The following TTLL11 variants were observed in gnomAD, a reference collection of about 807,000 sequenced individuals.
TTLL11 encodes the protein tubulin polyglutamylase TTLL11.
A neutral mutation model predicts 51.7 loss-of-function variants in TTLL11; 42 were observed. That is an observed-to-expected ratio of 0.81 (90% CI 0.64 to 1.05). The LOEUF is 1.05. Ranked by LOEUF, TTLL11 falls within the 50% of genes least tolerant of loss-of-function variation. The probability of loss-of-function intolerance (pLI) is 0.00; values close to 1 mark genes in which losing one functional copy is unlikely to be tolerated. For missense variants in TTLL11, 799 were observed against 940.4 expected, an observed-to-expected ratio of 0.85 and a Z score of 1.97; for synonymous variants, 381 against 383.5, an observed-to-expected ratio of 0.99 and a Z score of 0.08.
At chr9:121,945,596 T>C (rs1380389735) in intron 6 of TTLL11, among the ~76,000 whole-genome samples, 1 of 152,168 alleles carries the variant, frequency 6.6e-6, no homozygotes, top group Non-Finnish European at 1.5e-5. Context: ...ATAGTCCAAA[T>C]CCCTGCCAAT....
intron 2 of TTLL11, among the ~76,000 whole-genome samples, chr9:122,033,854 T>C (rs981892717): frequency 2.0e-5 from 3 of 152,202 alleles, no homozygotes; most frequent in Admixed American, 1.3e-4. Flanking sequence ...GACTGTTCAA[T>C]AGTCAAGAAA....
chr9:122,087,397 C>G (rs372881572), intron 1 of TTLL11, among the ~76,000 whole-genome samples: 2 of 152,118 alleles, frequency 1.3e-5, no homozygotes, highest in Non-Finnish European at 2.9e-5. Flanking sequence ...ATTTAATAAA[C>G]AGTAACTAAT....
intron 1 of TTLL11, among the ~76,000 whole-genome samples, chr9:122,068,688 C>A (rs1845655729): frequency 6.6e-6 from 1 of 152,188 alleles, no homozygotes; most frequent in Non-Finnish European, 1.5e-5. Context: ...AAATCCTGCG[C>A]TTTTTCTACA....
intron 1 of TTLL11, among the ~76,000 whole-genome samples, chr9:122,064,341 A>C (rs1425287412): frequency 6.6e-6 from 1 of 152,234 alleles, no homozygotes; most frequent in Non-Finnish European, 1.5e-5. Context: ...TAAAATGTTA[A>C]GAATACTGGA....
intron 3 of TTLL11, among the ~76,000 whole-genome samples, chr9:122,011,761 T>C (rs1160848122): frequency 6.6e-6 from 1 of 152,208 alleles, no homozygotes; most frequent in Non-Finnish European, 1.5e-5. Flanking sequence ...TCTTACAATT[T>C]ATCAGTAAGT....
chr9:121,820,310 G>C lies in TTLL11; in HGVS notation c.*2277C>G, dbSNP rs1174915243. Among the ~76,000 whole-genome samples, 1 of 152,224 alleles carries C rather than the reference G, an allele frequency of 6.6e-6. No homozygotes were observed. The highest frequency in any genetic ancestry group is 1.5e-5 in the Non-Finnish European group (1 of 68,036). On this transcript the variant is annotated 3_prime_UTR_variant, in exon 9 of 9. Coordinates refer to ENST00000321582, the MANE Select transcript of TTLL11 (RefSeq NM_001139442.2). ...TTCTGAAGACCAACTTCAAGAAATG[G>C]TGTCACGTGAGAGCTTTGTTAAGAC...
chr9:121,930,467 C>T (rs1028448249), intron 6 of TTLL11, among the ~76,000 whole-genome samples: 2 of 152,194 alleles, frequency 1.3e-5, no homozygotes, highest in Non-Finnish European at 2.9e-5. Flanking sequence ...GAAACCGTGA[C>T]CCACATCTTA....
intron 3 of TTLL11, among the ~76,000 whole-genome samples, chr9:122,030,214 G>T (rs1052619310): frequency 2.8e-4 from 35 of 126,370 alleles, no homozygotes; most frequent in African/African-American, 9.2e-4. Flanking sequence ...GGGGGGGGGG[G>T]GTAATTATGA....
rs1846292824 is a variant in TTLL11, at chr9:122,092,616, C to A, written c.462+71G>T. 8 of 1,527,770 alleles carry A rather than the reference C, an allele frequency of 5.2e-6. No homozygotes were observed. In the South Asian group the frequency reaches 8.5e-5, roughly 16 times the overall value. The allele number at this position is 1,527,770 out of a possible 1,614,324, so 94.6% of individuals were successfully genotyped here. On this transcript the variant is annotated intron_variant, in intron 1 of 8. Coordinates refer to ENST00000321582, the MANE Select transcript of TTLL11 (RefSeq NM_001139442.2). ...CCTCGCCCGCCGACCTGACCTGGGCCGTGCCGAGACCTCTGAGGTCGTCCT... is the reference window on the plus strand; with the variant it reads ...CCTCGCCCGCCGACCTGACCTGGGCAGTGCCGAGACCTCTGAGGTCGTCCT...
chr9:121,964,717 G>T (rs1207784396), intron 6 of TTLL11, among the ~76,000 whole-genome samples: 1 of 152,074 alleles, frequency 6.6e-6, no homozygotes, highest in Non-Finnish European at 1.5e-5. Flanking sequence ...AACTCCTCGA[G>T]GCTCCCCCAA....
chr9:121,933,470 G>A (rs964662257), intron 6 of TTLL11, among the ~76,000 whole-genome samples: 1 of 152,176 alleles, frequency 6.6e-6, no homozygotes, highest in African/African-American at 2.4e-5. Flanking sequence ...GGAGTGATGT[G>A]AGATGGGTTA....
intron 6 of TTLL11, among the ~76,000 whole-genome samples, chr9:121,906,669 A>AGGGAAAG (rs1239661167): frequency 1.3e-5 from 2 of 152,076 alleles, no homozygotes; most frequent in African/African-American, 4.8e-5. Flanking sequence ...CAGGTTGGAA[A>AGGGAAAG]GGGAAAGGGG....
At chr9:122,020,676 G>C (rs151189896) in intron 3 of TTLL11, among the ~76,000 whole-genome samples, 8 of 152,228 alleles carry the variant, frequency 5.3e-5, no homozygotes, top group Non-Finnish European at 7.3e-5. Flanking sequence ...GGTTTTAAGA[G>C]GTAGGCTCTT....
chr9:122,075,549 G>C (rs769369611), intron 1 of TTLL11, among the ~76,000 whole-genome samples: 25 of 152,168 alleles, frequency 1.6e-4, no homozygotes, highest in African/African-American at 6.0e-4. Flanking sequence ...TAAACACAGA[G>C]CATTTTTCCA....
intron 1 of TTLL11, among the ~76,000 whole-genome samples, chr9:122,044,519 G>A (rs934877701): frequency 3.3e-5 from 5 of 151,936 alleles, no homozygotes; most frequent in African/African-American, 9.7e-5. Context: ...CTCTAGCACC[G>A]GTTGTTTCCT....
intron 6 of TTLL11, among the ~76,000 whole-genome samples, chr9:121,874,162 G>A (rs1157383826): frequency 1.3e-5 from 2 of 151,938 alleles, no homozygotes; most frequent in African/African-American, 4.8e-5. Flanking sequence ...TGGCCAGTCT[G>A]GTTAATTTTT....
At chr9:122,084,537 G>C (rs1030082571) in intron 1 of TTLL11, among the ~76,000 whole-genome samples, 4 of 152,182 alleles carry the variant, frequency 2.6e-5, no homozygotes. Flanking sequence ...CTCGGCTTCA[G>C]AGGAACAACC....
At chr9:122,007,223 T>C (rs1380666202) in intron 3 of TTLL11, among the ~76,000 whole-genome samples, 1 of 151,896 alleles carries the variant, frequency 6.6e-6, no homozygotes, top group Non-Finnish European at 1.5e-5. Context: ...TCTTGGAGAA[T>C]TGGCTGAGTC....
At position 121,895,928 on chromosome 9, in the gene TTLL11, CTGTGTGGGTGTGTT is replaced by C. The variant is rs1377963849; in HGVS notation, c.1482-25194_1482-25181del. Among the ~76,000 whole-genome samples the C allele has an allele frequency of 6.8e-3, 343 of 50,426 alleles. 2 individuals are homozygous for C. Among genetic ancestry groups the C allele is most frequent in the Middle Eastern group, 0.026 (1 of 38 alleles). 33.1% of individuals were successfully genotyped at this position (50,426 alleles called of 152,430 possible). A position where few individuals can be genotyped will look rare whatever the true frequency, so the allele number is the denominator to read the frequency against. ...CCTTTGTGTGGATGTGTGGGTGTGTCTGTGTGGGTGTGTTTGTGTGGGTGTGGGTGTGTGGGTGT... is the reference window on the plus strand; with the variant it reads ...CCTTTGTGTGGATGTGTGGGTGTGTCTGTGTGGGTGTGGGTGTGTGGGTGT... On this transcript the variant is annotated intron_variant, in intron 6 of 8. Transcript: ENST00000321582.
Sources: allele counts gnomAD v4.1 joint callset (sites outside exome capture counted in the v4.1 genomes callset), GRCh38; gene constraint gnomAD v4.1.1; transcripts MANE v1.5; gene names NCBI Gene and HGNC (gene_info 2026-07-23, HGNC 2026-07-21).